The following SLIT2 variants were observed in gnomAD, a reference collection of about 807,000 sequenced individuals.
The protein encoded by SLIT2 is slit homolog 2 protein.
A neutral mutation model predicts 185.7 loss-of-function variants in SLIT2; 41 were observed. The ratio of observed to expected loss-of-function variants is 0.22; its 90% CI spans 0.17 to 0.29. The LOEUF (loss-of-function observed/expected upper bound fraction) is 0.29, where lower values mean the gene tolerates loss of function less well. Ranked by LOEUF, SLIT2 falls within the 10% of genes least tolerant of loss-of-function variation. The probability of loss-of-function intolerance (pLI) is 1.00; values close to 1 mark genes in which losing one functional copy is unlikely to be tolerated. For missense variants in SLIT2, 1,571 were observed against 1,909.0 expected, an observed-to-expected ratio of 0.82 and a Z score of 3.30; for synonymous variants, 693 against 680.2, an observed-to-expected ratio of 1.02 and a Z score of -0.29.
At chr4:20,473,534 C>A (rs543342311) in intron 5 of SLIT2, among the ~76,000 whole-genome samples, 2 of 151,968 alleles carry the variant, frequency 1.3e-5, no homozygotes, top group East Asian at 1.9e-4. Context: ...AGAGAGTTCA[C>A]CTATGTGTTG....
At chr4:20,509,144 T>A (rs954861633) in intron 9 of SLIT2, among the ~76,000 whole-genome samples, 1 of 151,414 alleles carries the variant, frequency 6.6e-6, no homozygotes, top group African/African-American at 2.4e-5. Flanking sequence ...TTTAAATATA[T>A]ACACATATGT....
At chr4:20,510,228 G>T (rs1337459473) in intron 9 of SLIT2, among the ~76,000 whole-genome samples, 1 of 151,898 alleles carries the variant, frequency 6.6e-6, no homozygotes, top group Non-Finnish European at 1.5e-5. Flanking sequence ...TATTTCTTTT[G>T]TACAAAGTCC....
intron 13 of SLIT2, 38 bp from the exon 14 acceptor site, chr4:20,523,976 A>G (rs1721062276): frequency 6.2e-7 from 1 of 1,612,850 alleles, no homozygotes; most frequent in Non-Finnish European, 8.5e-7. Context: ...AGTCCATTGC[A>G]AGTCATCTAT....
At chr4:20,336,023 C>A (rs1290974713) in intron 4 of SLIT2, among the ~76,000 whole-genome samples, 1 of 152,002 alleles carries the variant, frequency 6.6e-6, no homozygotes, top group Admixed American at 6.6e-5. Flanking sequence ...TAGGGATTTT[C>A]ATGACAAAAA....
chr4:20,511,922 C>T (rs1719792473), intron 11 of SLIT2, among the ~76,000 whole-genome samples: 1 of 151,644 alleles, frequency 6.6e-6, no homozygotes, highest in African/African-American at 2.4e-5. Context: ...CTTTTAATCT[C>T]TCAAAGAACA....
At chr4:20,541,866 A>G (rs1160590697) in intron 20 of SLIT2, among the ~76,000 whole-genome samples, 3 of 144,866 alleles carry the variant, frequency 2.1e-5, no homozygotes, top group East Asian at 1.9e-4. Flanking sequence ...GGTTGGTCTT[A>G]CTTATATAGC....
chr4:20,481,865 A>G (rs532529592), intron 6 of SLIT2, among the ~76,000 whole-genome samples: 2 of 152,172 alleles, frequency 1.3e-5, no homozygotes, highest in Admixed American at 1.3e-4. Context: ...ATTTTAAAAG[A>G]TTGTATGAAT....
intron 4 of SLIT2, among the ~76,000 whole-genome samples, chr4:20,301,247 AAATGC>A (rs1717010294): frequency 6.6e-6 from 1 of 152,162 alleles, no homozygotes; most frequent in African/African-American, 2.4e-5. Flanking sequence ...TTATAATTCA[AAATGC>A]TGGCTATTTG....
chr4:20,519,460 A>G lies in SLIT2; in HGVS notation c.1130+7A>G, dbSNP rs1481446676. On this transcript the variant is annotated splice_region_variant and intron_variant, in intron 12 of 36. Coordinates refer to ENST00000504154, the MANE Select transcript of SLIT2 (RefSeq NM_004787.4). ...TGTTTTCCTTACAGCTCCTGTAAGTATTTGATTGTTTTGGATCTCTCGAGC... is the reference window on the plus strand; with the variant it reads ...TGTTTTCCTTACAGCTCCTGTAAGTGTTTGATTGTTTTGGATCTCTCGAGC... The G allele has an allele frequency of 3.9e-6, 6 of 1,533,578 alleles. No homozygotes were observed. Among genetic ancestry groups the G allele is most frequent in the Non-Finnish European group, 5.4e-6 (6 of 1,109,024 alleles). The allele number at this position is 1,533,578 out of a possible 1,614,324, so 95.0% of individuals were successfully genotyped here.
intron 4 of SLIT2, among the ~76,000 whole-genome samples, chr4:20,387,665 G>A (rs1725037364): frequency 1.3e-5 from 2 of 152,116 alleles, no homozygotes; most frequent in Non-Finnish European, 2.9e-5. Context: ...GCCAGTGCCG[G>A]TTCCCAGATG....
At chr4:20,475,643 A>G (rs1716014558) in intron 5 of SLIT2, among the ~76,000 whole-genome samples, 1 of 151,772 alleles carries the variant, frequency 6.6e-6, no homozygotes, top group Non-Finnish European at 1.5e-5. Context: ...CCAAGTTATC[A>G]TGAGGAATAA....
chr4:20,402,733 C>T (rs892351218), intron 4 of SLIT2, among the ~76,000 whole-genome samples: 8 of 151,478 alleles, frequency 5.3e-5, no homozygotes, highest in African/African-American at 1.7e-4. Flanking sequence ...GGAAAAATAA[C>T]GGGGTAATAA....
At chr4:20,455,531 G>A (rs1156330610) in intron 4 of SLIT2, among the ~76,000 whole-genome samples, 1 of 152,072 alleles carries the variant, frequency 6.6e-6, no homozygotes, top group African/African-American at 2.4e-5. Context: ...TTGCTTTACA[G>A]AGTCTGCTGC....
At chr4:20,599,897 C>T (rs1301541282) in intron 33 of SLIT2, among the ~76,000 whole-genome samples, 2 of 152,140 alleles carry the variant, frequency 1.3e-5, no homozygotes, top group East Asian at 1.9e-4. Flanking sequence ...TTATTTGATG[C>T]TTCATAATAG....
intron 4 of SLIT2, among the ~76,000 whole-genome samples, chr4:20,406,658 AC>A (rs2109415009): frequency 6.9e-6 from 1 of 144,658 alleles, no homozygotes; most frequent in African/African-American, 2.4e-5. Context: ...AACTGACAGC[AC>A]CAGTGTTAGA....
intron 4 of SLIT2, among the ~76,000 whole-genome samples, chr4:20,277,386 T>A (rs2109046859): frequency 6.6e-6 from 1 of 152,210 alleles, no homozygotes; most frequent in East Asian, 1.9e-4. Context: ...TTAAATTAAA[T>A]TTTAAATCTG....
intron 4 of SLIT2, among the ~76,000 whole-genome samples, chr4:20,290,937 G>C (rs767312344): frequency 6.6e-6 from 1 of 151,806 alleles, no homozygotes; most frequent in Non-Finnish European, 1.5e-5. Context: ...TTCTTTTAGG[G>C]CTAAGCTTAA....
intron 4 of SLIT2, among the ~76,000 whole-genome samples, chr4:20,333,212 T>A (rs748055485): frequency 4.5e-4 from 68 of 152,184 alleles, no homozygotes; most frequent in Non-Finnish European, 6.5e-4. Context: ...GGGAAAAAAA[T>A]TCAATGGACT....
intron 4 of SLIT2, among the ~76,000 whole-genome samples, chr4:20,285,851 G>A (rs55816822): frequency 0.016 from 2,390 of 152,200 alleles, 64 homozygotes; most frequent in African/African-American, 0.054. Context: ...CCCAACCTGC[G>A]TTACTCCTAA....
Sources: gnomAD v4.1 joint callset for allele counts (sites outside exome capture counted in the v4.1 genomes callset) on GRCh38, gnomAD v4.1.1 for gene constraint, MANE v1.5 for transcripts, NCBI Gene and HGNC (gene_info 2026-07-23, HGNC 2026-07-21) for gene names.